The following NDUFA10 variants were observed in gnomAD, a reference collection of about 807,000 sequenced individuals.
The protein encoded by NDUFA10 is NADH:ubiquinone oxidoreductase subunit A10.
A neutral mutation model predicts 47.8 loss-of-function variants in NDUFA10; 40 were observed. The ratio of observed to expected loss-of-function variants is 0.84; its 90% CI spans 0.65 to 1.09. The LOEUF (loss-of-function observed/expected upper bound fraction) is 1.09, where lower values mean the gene tolerates loss of function less well. Ranked by LOEUF, NDUFA10 falls within the 50% of genes least tolerant of loss-of-function variation. The probability of loss-of-function intolerance (pLI) is 0.00; values close to 1 mark genes in which losing one functional copy is unlikely to be tolerated. For missense variants in NDUFA10, 413 were observed against 451.1 expected, an observed-to-expected ratio of 0.92 and a Z score of 0.76; for synonymous variants, 183 against 172.2, an observed-to-expected ratio of 1.06 and a Z score of -0.49.
At chr2:239,915,891 A>G (rs1693860615) in intron 4 of NDUFA10, among the ~76,000 whole-genome samples, 1 of 151,818 alleles carries the variant, frequency 6.6e-6, no homozygotes, top group African/African-American at 2.4e-5. Flanking sequence ...ACAGAGAGAC[A>G]CACAGAGATA....
At chr2:239,924,331 A>G (rs1694036235) in intron 4 of NDUFA10, among the ~76,000 whole-genome samples, 2 of 152,168 alleles carry the variant, frequency 1.3e-5, no homozygotes, top group East Asian at 3.8e-4. Context: ...ATCACATTAA[A>G]AAAAGAATCA....
chr2:240,016,495 C>T lies in NDUFA10; in HGVS notation c.548-1635G>A, dbSNP rs1201484733. ...GCTTTCCCCCAGCCCAGCACTCAAA[C>T]GACTCTGGCTAACATCACCAGCCCC... On this transcript the variant is annotated intron_variant, in intron 4 of 9. Transcript: ENST00000252711. The surrounding 1 kb of genome is among the most constrained non-coding windows in gnomAD (Gnocchi z 4.4). Among the ~76,000 whole-genome samples the T allele has an allele frequency of 6.6e-6, 1 of 152,178 alleles. No individual in the cohort carries two copies. Among genetic ancestry groups the T allele is most frequent in the African/African-American group, 2.4e-5 (1 of 41,436 alleles).
intron 9 of NDUFA10, among the ~76,000 whole-genome samples, chr2:239,976,229 T>A (rs574202855): frequency 6.6e-6 from 1 of 152,178 alleles, no homozygotes; most frequent in Non-Finnish European, 1.5e-5. Flanking sequence ...CTCGGGTTAA[T>A]CTCATGCCTG....
intron 1 of NDUFA10, 51 bp from the exon 2 acceptor site, chr2:240,022,391 G>C: frequency 6.2e-7 from 1 of 1,611,590 alleles, no homozygotes; most frequent in Non-Finnish European, 8.5e-7. Context: ...TCTGGTTCCT[G>C]TAGGCATTAG....
intron 4 of NDUFA10, among the ~76,000 whole-genome samples, chr2:239,914,388 C>A (rs1274061233): frequency 1.3e-5 from 2 of 150,206 alleles, no homozygotes; most frequent in Non-Finnish European, 3.0e-5. Context: ...ACAAAACACA[C>A]ACATACATAC....
intron 4 of NDUFA10, among the ~76,000 whole-genome samples, chr2:239,941,065 G>A (rs1694352305): frequency 6.6e-6 from 1 of 152,202 alleles, no homozygotes; most frequent in Admixed American, 6.5e-5. Context: ...CTGGACAGCA[G>A]CAAGGTCACT....
chr2:239,921,364 G>C (rs963358061), intron 4 of NDUFA10, among the ~76,000 whole-genome samples: 1 of 146,440 alleles, frequency 6.8e-6, no homozygotes, highest in Non-Finnish European at 1.5e-5. Context: ...AGCTTCTACA[G>C]CGTGGAAAGG....
intron 4 of NDUFA10, among the ~76,000 whole-genome samples, chr2:239,920,038 G>T (rs1290379453): frequency 1.3e-5 from 2 of 152,200 alleles, no homozygotes; most frequent in African/African-American, 4.8e-5. Context: ...TGCTCCCAGG[G>T]TGCTTCCCCC....
At chr2:239,988,082 T>C (rs983619022) in intron 9 of NDUFA10, among the ~76,000 whole-genome samples, 2 of 152,114 alleles carry the variant, frequency 1.3e-5, no homozygotes, top group Non-Finnish European at 2.9e-5. Context: ...TTGCATTAAA[T>C]GTGAACAGAT....
intron 2 of NDUFA10, among the ~76,000 whole-genome samples, chr2:240,021,845 G>A (rs10211590): frequency 1.5e-3 from 226 of 152,212 alleles, no homozygotes; most frequent in African/African-American, 3.7e-3. Context: ...TACCATCCTC[G>A]GCTCTATTTC....
intron 4 of NDUFA10, among the ~76,000 whole-genome samples, chr2:239,937,899 A>C (rs1337656923): frequency 6.6e-6 from 1 of 152,106 alleles, no homozygotes; most frequent in Non-Finnish European, 1.5e-5. Flanking sequence ...TTTGTAACAC[A>C]CCTCACAGCT....
rs749199433 is a variant in NDUFA10 at position 240,021,294 on chromosome 2, C to T, written c.363G>A (p.Pro121=). The change falls in exon 3 of 10, where the codon CCG becomes CCA. Residue 121 remains proline (P), a synonymous_variant. Coordinates refer to ENST00000252711, the MANE Select transcript of NDUFA10 (RefSeq NM_004544.4). ...GGTAACTGTTGCCATCATTGCTTCT[C>T]GGATCATCGTAAAATTTCTCCAAAC... ...NCSLEKFYDD[P]RSNDGNSYRL... is the part of the protein sequence containing the mutation. 1.8e-5 allele frequency: 29 copies of T among 1,614,054 alleles called. No homozygotes were observed. The highest frequency in any genetic ancestry group is 2.2e-5 in the East Asian group (1 of 44,888).
rs748765982 is a variant in NDUFA10, at chr2:240,022,284, T to C, written c.132A>G (p.Leu44=). 10 of 1,613,968 alleles carry C rather than the reference T, an allele frequency of 6.2e-6. No individual in the cohort carries two copies. Among genetic ancestry groups the C allele is most frequent in the African/African-American group, 5.3e-5 (4 of 74,882 alleles). Residue 44 remains leucine (L), a synonymous_variant, in exon 2 of 10, where the codon CTA becomes CTG. Coordinates refer to ENST00000252711, the MANE Select transcript of NDUFA10 (RefSeq NM_004544.4). The part of the protein sequence containing the change: ...CKLRYGMWHF[L]LGDKASKRLT... ...GTCTTTTGCTTGCTTTATCCCCAAG[T>C]AGGAAATGCCACATTCCATAGCGCA...
At chr2:239,923,165 A>T (rs1247465405) in intron 4 of NDUFA10, among the ~76,000 whole-genome samples, 1 of 152,228 alleles carries the variant, frequency 6.6e-6, no homozygotes, top group Non-Finnish European at 1.5e-5. Flanking sequence ...CAGCTTCATA[A>T]TACATAACAC....
intron 7 of NDUFA10, among the ~76,000 whole-genome samples, chr2:240,006,052 C>G (rs1696936405): frequency 6.6e-6 from 1 of 152,202 alleles, no homozygotes; most frequent in African/African-American, 2.4e-5. Context: ...CACAGTCTGA[C>G]TTTCCAGAGG....
chr2:239,988,003 G>C lies in NDUFA10; in HGVS notation c.999+2071C>G, dbSNP rs140824813. On this transcript the variant is annotated intron_variant, in intron 9 of 9. Transcript: ENST00000252711. ...TAAATGGAATAAAGAAAAAAAAGAA[G>C]AAAAAATACATAGAACAGGTAGAAA... is the stretch of plus-strand genomic sequence containing the variant. Among the ~76,000 whole-genome samples the C allele has an allele frequency of 3.8e-3, 583 of 151,916 alleles. 5 individuals are homozygous for C. Among genetic ancestry groups the C allele is most frequent in the African/African-American group, 0.014 (560 of 41,446 alleles).
intron 4 of NDUFA10, among the ~76,000 whole-genome samples, chr2:239,930,004 T>C (rs1425781595): frequency 4.9e-5 from 4 of 81,148 alleles, no homozygotes; most frequent in East Asian, 4.7e-4. Flanking sequence ...GCTTCTCAAC[T>C]GCCCCTGCTC....
At chr2:239,925,409 G>C (rs1220670808) in intron 4 of NDUFA10, among the ~76,000 whole-genome samples, 1 of 152,162 alleles carries the variant, frequency 6.6e-6, no homozygotes, top group Non-Finnish European at 1.5e-5. Flanking sequence ...AGGTGCAAAA[G>C]CAATTCAATG....
intron 1 of NDUFA10, among the ~76,000 whole-genome samples, chr2:240,024,533 G>A (rs1012135250): frequency 4.6e-5 from 7 of 152,228 alleles, no homozygotes; most frequent in Non-Finnish European, 8.8e-5. Context: ...ACCTATAATG[G>A]TGGAGACATG....
Sources: gnomAD v4.1 joint callset for allele counts (sites outside exome capture counted in the v4.1 genomes callset) on GRCh38, gnomAD v4.1.1 for gene constraint, Gnocchi (gnomAD v3.1) non-coding constraint, MANE v1.5 for transcripts, NCBI Gene and HGNC (gene_info 2026-07-23, HGNC 2026-07-21) for gene names.